The following NFKBID variants were observed in gnomAD, a reference collection of about 807,000 sequenced individuals.
NFKBID encodes the protein NF-kappa-B inhibitor delta.
In NFKBID, 26 loss-of-function variants were observed where a neutral mutation model predicts 53.4. The ratio of observed to expected loss-of-function variants is 0.49; its 90% CI spans 0.36 to 0.68. The LOEUF (loss-of-function observed/expected upper bound fraction) is 0.68. NFKBID is among the 30% of genes least tolerant of loss of function. NFKBID has a pLI of 0.00. For synonymous variants in NFKBID, 262 were observed against 259.8 expected (o/e 1.01, Z -0.08); for missense variants, 493 against 614.1 (o/e 0.80, Z 2.08).
exon 12 of NFKBID, chr19:35,888,359 T>C: frequency 1.8e-6 from 1 of 565,234 alleles, no homozygotes; most frequent in Non-Finnish European, 3.2e-6. Context: ...GAGGGCTCCT[T>C]GTGGGTAGAA....
chr19:35,896,930 C>T lies in NFKBID; in HGVS notation c.561G>A (p.Gln187=), dbSNP rs1975213361. Residue 187 remains glutamine, a synonymous_variant, in exon 5 of 12, where the codon CAG becomes CAA. Coordinates refer to ENST00000641389, the Ensembl canonical transcript of NFKBID. This position sits in a 1 kb window ranked among gnomAD's most constrained non-coding sequence, Gnocchi z 5.7. ...ATACTCACGTGTCCCCCTCCTCATC[C>T]TGGGCCAGCAGCTGCTGTGGCCCCA... The T allele has an allele frequency of 6.2e-7, 1 of 1,607,384 alleles. No homozygotes were observed. The highest frequency in any genetic ancestry group is 8.5e-7 in the Non-Finnish European group (1 of 1,175,660).
At chr19:35,900,808 TTTTTCTTTTTTTTC>T (rs1307248975), upstream of NFKBID, 10 of 343,768 alleles carry the variant, frequency 2.9e-5, no homozygotes, top group South Asian at 3.0e-4. Flanking sequence ...TTTTCTTTTC[TTTTTCTTTTTTTTC>T]TTTTCTTTTT....
chr19:35,890,172 T>TC (rs1974659349), intron 10 of NFKBID, 118 bp from the exon 11 acceptor site: 16 of 1,116,864 alleles, frequency 1.4e-5, no homozygotes, highest in Middle Eastern at 2.1e-4. Flanking sequence ...ATCCCAGACC[T>TC]CCCCCGGCCA....
chr19:35,890,658 G>A, intron 9 of NFKBID, 168 bp from the exon 10 acceptor site: 1 of 701,498 alleles, frequency 1.4e-6, no homozygotes, highest in South Asian at 1.4e-5. Context: ...GAGGCCAGGA[G>A]CTGCAGACCA....
chr19:35,901,248 A>C (rs959429848), upstream of NFKBID, among the ~76,000 whole-genome samples: 5 of 151,832 alleles, frequency 3.3e-5, no homozygotes, highest in East Asian at 7.7e-4. Context: ...GGCAGGGAGA[A>C]TATTACTGGG....
intron 9 of NFKBID, among the ~76,000 whole-genome samples, chr19:35,895,360 C>A (rs911392768): frequency 1.3e-5 from 2 of 150,274 alleles, no homozygotes; most frequent in Non-Finnish European, 3.0e-5. Context: ...TGGTGGCGTG[C>A]GCCTATAGTC....
downstream of NFKBID, chr19:35,888,140 C>T (rs141500307): frequency 2.0e-4 from 35 of 171,224 alleles, no homozygotes; most frequent in East Asian, 5.4e-3. Context: ...GTGTGGGTCC[C>T]GGGGAGGGTG....
intron 9 of NFKBID, among the ~76,000 whole-genome samples, chr19:35,891,039 G>A (rs1974729724): frequency 6.6e-6 from 1 of 152,104 alleles, no homozygotes; most frequent in African/African-American, 2.4e-5. Flanking sequence ...ACCAGTGTCT[G>A]AGAAAGAGAC....
chr19:35,898,431 A>G (rs541232979), intron 3 of NFKBID, 41 bp downstream of exon 3: 1 of 1,336,704 alleles, frequency 7.5e-7, no homozygotes, highest in Non-Finnish European at 1.0e-6. Context: ...TGAGTCCCTT[A>G]GGGAAGGGGG....
intron 9 of NFKBID, among the ~76,000 whole-genome samples, chr19:35,894,308 T>C (rs1288820292): frequency 6.6e-6 from 1 of 152,028 alleles, no homozygotes; most frequent in Non-Finnish European, 1.5e-5. Flanking sequence ...TCAGCCAGCC[T>C]ATGAAGGAGC....
chr19:35,892,543 C>CAA (rs112001334), intron 9 of NFKBID, among the ~76,000 whole-genome samples: 2 of 112,270 alleles, frequency 1.8e-5, no homozygotes, highest in Non-Finnish European at 1.9e-5. Flanking sequence ...GACTCCATCT[C>CAA]AAAAAAAAAA....
exon 1 of NFKBID, chr19:35,900,504 C>G: frequency 8.1e-7 from 1 of 1,231,922 alleles, no homozygotes; most frequent in Non-Finnish European, 1.0e-6. Context: ...CTGCGCCAGC[C>G]TCGCTGTTTC....
At chr19:35,897,919 G>GCCCTCTA in intron 3 of NFKBID, 63 bp from the exon 4 acceptor site, 2 of 1,157,700 alleles carry the variant, frequency 1.7e-6, no homozygotes, top group Non-Finnish European at 2.5e-6. Flanking sequence ...TCACATCCAG[G>GCCCTCTA]GCTAGAGGGC....
rs566983463 is a variant in NFKBID, at chr19:35,894,183, C to T, written c.1032+1797G>A. Among the ~76,000 whole-genome samples, 8 of 151,990 alleles carry T rather than the reference C, an allele frequency of 5.3e-5. No individual in the cohort carries two copies. The South Asian group carries it at 8.3e-4, about 16-fold the overall frequency. ...CTGAGGCAGGAGCATGGCTTGAACC[C>T]GGGAGGCAGAGGTTGCAGTAAGCCG... is the stretch of plus-strand genomic sequence containing the variant. On this transcript the variant is annotated intron_variant, in intron 9 of 11. Coordinates refer to ENST00000641389, the Ensembl canonical transcript of NFKBID.
chr19:35,897,302 T>C (rs1975247293), intron 4 of NFKBID, among the ~76,000 whole-genome samples: 1 of 152,062 alleles, frequency 6.6e-6, no homozygotes, highest in Non-Finnish European at 1.5e-5. Flanking sequence ...TCACCCAGGC[T>C]GGAGTGCAGC....
At chr19:35,894,377 C>G (rs1220425892) in intron 9 of NFKBID, among the ~76,000 whole-genome samples, 1 of 152,146 alleles carries the variant, frequency 6.6e-6, no homozygotes, top group South Asian at 2.1e-4. Context: ...GTCAGACTAC[C>G]TGGGTTCTAA....
chr19:35,900,842 T>C (rs935623979), upstream of NFKBID, among the ~76,000 whole-genome samples: 3 of 146,708 alleles, frequency 2.0e-5, no homozygotes, highest in African/African-American at 7.5e-5. Flanking sequence ...TTTTTTTTTT[T>C]TTTTTTTGTT....
intron 9 of NFKBID, 90 bp downstream of exon 9, chr19:35,895,890 A>G: frequency 7.9e-7 from 1 of 1,261,900 alleles, no homozygotes; most frequent in Middle Eastern, 2.6e-4. Flanking sequence ...AGGAAGAGGC[A>G]AAGTCAGCAT....
At chr19:35,900,295 T>TC (rs1975489623) in intron 1 of NFKBID, 147 bp downstream of exon 1, 3 of 600,704 alleles carry the variant, frequency 5.0e-6, no homozygotes, top group Admixed American at 4.4e-5. Context: ...CGATCCACGA[T>TC]CCCCTCCTCC....
Sources: gnomAD v4.1 joint callset for allele counts (sites outside exome capture counted in the v4.1 genomes callset) on GRCh38, gnomAD v4.1.1 for gene constraint, Gnocchi (gnomAD v3.1) non-coding constraint, MANE v1.5 for transcripts, NCBI Gene and HGNC (gene_info 2026-07-23, HGNC 2026-07-21) for gene names.